The following IGFL2 variants were observed in gnomAD, a reference collection of about 807,000 sequenced individuals.
The protein encoded by IGFL2 is insulin growth factor-like family member 2.
Under a neutral mutation model 13.9 loss-of-function variants are expected in IGFL2, and 7 were observed. The ratio of observed to expected loss-of-function variants is 0.51; its 90% confidence interval spans 0.29 to 0.95. IGFL2 has a LOEUF of 0.95. Ranked by LOEUF, IGFL2 falls within the 40% of genes least tolerant of loss-of-function variation. IGFL2 has a pLI of 0.08. For synonymous variants in IGFL2, 55 were observed against 55.8 expected, an observed-to-expected ratio of 0.99 and a Z score of 0.07; for missense variants, 138 against 147.8, an observed-to-expected ratio of 0.93 and a Z score of 0.34.
At chr19:46,131,651 A>G in the IGFL2 span, among the ~76,000 whole-genome samples, 4 of 152,320 alleles carry the variant, frequency 2.6e-5, no homozygotes, top group Middle Eastern at 3.4e-3. Context: ...GTGAAAATAA[A>G]ACATAAAAAC....
the IGFL2 span, among the ~76,000 whole-genome samples, chr19:46,107,031 A>C: frequency 1.8e-4 from 28 of 152,288 alleles, no homozygotes; most frequent in African/African-American, 5.5e-4. Context: ...TGACCTAATA[A>C]GGTAACTGGG....
At chr19:46,133,566 T>G in the IGFL2 span, among the ~76,000 whole-genome samples, 2 of 152,248 alleles carry the variant, frequency 1.3e-5, no homozygotes, top group Non-Finnish European at 2.9e-5. Flanking sequence ...TATGACCTAA[T>G]GCTTGCTTGG....
the IGFL2 span, among the ~76,000 whole-genome samples, chr19:46,192,002 C>T: frequency 6.6e-6 from 1 of 152,310 alleles, no homozygotes; most frequent in South Asian, 2.1e-4. Context: ...AAAACTTCAT[C>T]AGCACAGCAA....
the IGFL2 span, among the ~76,000 whole-genome samples, chr19:46,172,369 G>A: frequency 1.3e-5 from 2 of 152,194 alleles, no homozygotes; most frequent in Non-Finnish European, 2.9e-5. Context: ...ATCCATTACA[G>A]GAAGGACTCC....
At chr19:46,137,617 C>T in the IGFL2 span, 6 of 920,818 alleles carry the variant, frequency 6.5e-6, no homozygotes, top group South Asian at 5.3e-5. Context: ...TGAGTCAGTG[C>T]AGAGGAGCAG....
At chr19:46,129,307 T>TGTGTG in the IGFL2 span, among the ~76,000 whole-genome samples, 73 of 137,062 alleles carry the variant, frequency 5.3e-4, no homozygotes, top group African/African-American at 1.8e-3. Flanking sequence ...TGTTGATCTT[T>TGTGTG]TGTGTGTGTG....
chr19:46,097,488 G>C, the IGFL2 span, among the ~76,000 whole-genome samples: 1 of 151,812 alleles, frequency 6.6e-6, no homozygotes, highest in Non-Finnish European at 1.5e-5. Flanking sequence ...TTTTTTTGGA[G>C]AGTTTTTTGT....
the IGFL2 span, among the ~76,000 whole-genome samples, chr19:46,178,495 C>A: frequency 5.9e-5 from 9 of 152,142 alleles, no homozygotes; most frequent in African/African-American, 1.9e-4. Flanking sequence ...TGTACAGAAT[C>A]TCCTTCCCAT....
At chr19:46,201,733 G>T in the IGFL2 span, among the ~76,000 whole-genome samples, 3 of 152,192 alleles carry the variant, frequency 2.0e-5, no homozygotes, top group Non-Finnish European at 2.9e-5. Context: ...GTGGGTTAAG[G>T]TTGGGGGATA....
chr19:46,180,490 T>G, the IGFL2 span: 1 of 152,312 alleles, frequency 6.6e-6, no homozygotes, highest in East Asian at 1.9e-4. Flanking sequence ...TTTTGATAAT[T>G]TTAAAATAGC....
chr19:46,113,071 C>A, the IGFL2 span: 1 of 152,228 alleles, frequency 6.6e-6, no homozygotes, highest in Non-Finnish European at 1.5e-5. Context: ...TGCATTCCAT[C>A]TTTTCATCAG....
the IGFL2 span, among the ~76,000 whole-genome samples, chr19:46,180,219 C>T: frequency 9.5e-5 from 14 of 147,280 alleles, no homozygotes; most frequent in South Asian, 1.1e-3. Context: ...CCCTCTGTTG[C>T]GCAGGCTGGA....
At chr19:46,139,435 C>A, upstream of IGFL2, among the ~76,000 whole-genome samples, 1 of 151,846 alleles carries the variant, frequency 6.6e-6, no homozygotes, top group South Asian at 2.1e-4. Flanking sequence ...TGTAAGAAAT[C>A]TATGTTACAT....
chr19:46,167,107 G>T, the IGFL2 span, among the ~76,000 whole-genome samples: 4 of 152,222 alleles, frequency 2.6e-5, no homozygotes, highest in Non-Finnish European at 5.9e-5. Context: ...TTGCAGTGAA[G>T]ATAGGCATTA....
chr19:46,131,226 T>C, the IGFL2 span, among the ~76,000 whole-genome samples: 2 of 152,224 alleles, frequency 1.3e-5, no homozygotes, highest in Non-Finnish European at 2.9e-5. Context: ...CATTATTAGC[T>C]TTATCTGTTG....
At chr19:46,120,193 C>T in the IGFL2 span, 1 of 1,266,448 alleles carries the variant, frequency 7.9e-7, no homozygotes, top group Non-Finnish European at 1.1e-6. Flanking sequence ...CAGCTGGGCT[C>T]CTCTCCAAAG....
At chr19:46,180,830 G>A in the IGFL2 span, among the ~76,000 whole-genome samples, 2 of 152,210 alleles carry the variant, frequency 1.3e-5, no homozygotes, top group Middle Eastern at 3.2e-3. Context: ...GAGCAGGGAA[G>A]CATCCAGCAC....
the IGFL2 span, among the ~76,000 whole-genome samples, chr19:46,098,502 T>G: frequency 6.9e-6 from 1 of 145,704 alleles, no homozygotes; most frequent in Non-Finnish European, 1.5e-5. Context: ...TTTTTTGAGA[T>G]GGAGTCTCGT....
chr19:46,086,949 A>T, the IGFL2 span, among the ~76,000 whole-genome samples: 4 of 152,034 alleles, frequency 2.6e-5, no homozygotes, highest in African/African-American at 4.8e-5. Flanking sequence ...TTGTTAGTGA[A>T]GGCTATTATG....
Sources: gnomAD v4.1 joint callset for allele counts (sites outside exome capture counted in the v4.1 genomes callset) on GRCh38, gnomAD v4.1.1 for gene constraint, MANE v1.5 for transcripts, NCBI Gene and HGNC (gene_info 2026-07-23, HGNC 2026-07-21) for gene names.